The following BMPR2 variants were observed in gnomAD, a reference collection of about 807,000 sequenced individuals.
BMPR2 encodes the protein bone morphogenetic protein receptor type 2, also known as bone morphogenetic protein receptor type-2.
In BMPR2, 29 loss-of-function variants were observed where a neutral mutation model predicts 100.8. That is an observed-to-expected ratio of 0.29 (90% CI 0.21 to 0.39). The LOEUF is 0.39. Ranked by LOEUF, BMPR2 falls within the 10% of genes least tolerant of loss-of-function variation. BMPR2 has a pLI of 1.00. For missense variants in BMPR2, 1,011 were observed against 1,274.5 expected (o/e 0.79, Z 3.15); for synonymous variants, 382 against 442.3 (o/e 0.86, Z 1.71).
chr2:202,494,871 A>G (rs1692989259), intron 3 of BMPR2, among the ~76,000 whole-genome samples: 1 of 152,178 alleles, frequency 6.6e-6, no homozygotes, highest in Non-Finnish European at 1.5e-5. Flanking sequence ...GAGGCTTGGA[A>G]AGTTTTTATT....
intron 4 of BMPR2, among the ~76,000 whole-genome samples, chr2:202,514,248 T>G (rs1012335484): frequency 6.6e-6 from 1 of 152,198 alleles, no homozygotes; most frequent in African/African-American, 2.4e-5. Flanking sequence ...GCCATTCTCC[T>G]GCCTCAGCCT....
intron 3 of BMPR2, among the ~76,000 whole-genome samples, chr2:202,510,852 T>C (rs1269462954): frequency 6.6e-6 from 1 of 152,048 alleles, no homozygotes; most frequent in Non-Finnish European, 1.5e-5. Context: ...AGCTAATTTT[T>C]GTCTTTTTAG....
At chr2:202,512,279 A>G (rs1687640180) in intron 3 of BMPR2, among the ~76,000 whole-genome samples, 1 of 152,346 alleles carries the variant, frequency 6.6e-6, no homozygotes, top group East Asian at 1.9e-4. Flanking sequence ...TTGATTGAAT[A>G]TAAAGAATGA....
At chr2:202,384,540 C>CTT (rs1436500002) in intron 1 of BMPR2, among the ~76,000 whole-genome samples, 1 of 82,634 alleles carries the variant, frequency 1.2e-5, no homozygotes, top group African/African-American at 4.8e-5. Flanking sequence ...CTCTTTCTTT[C>CTT]TTTCTTTCTT....
intron 7 of BMPR2, among the ~76,000 whole-genome samples, chr2:202,525,407 A>G (rs1347878358): frequency 6.6e-6 from 1 of 151,988 alleles, no homozygotes; most frequent in Non-Finnish European, 1.5e-5. Context: ...ATGTTGGCCA[A>G]GATGGTCTCG....
At chr2:202,415,630 C>G (rs760952403) in intron 1 of BMPR2, among the ~76,000 whole-genome samples, 3 of 152,106 alleles carry the variant, frequency 2.0e-5, no homozygotes, top group Non-Finnish European at 2.9e-5. Flanking sequence ...ATCCTAGAGC[C>G]CTTAAGAATT....
intron 1 of BMPR2, among the ~76,000 whole-genome samples, chr2:202,401,228 C>T (rs1201616477): frequency 1.3e-5 from 2 of 152,194 alleles, no homozygotes; most frequent in Non-Finnish European, 2.9e-5. Flanking sequence ...CACATCTCAT[C>T]TCCCCTTTTA....
At chr2:202,424,765 A>T (rs956695264) in intron 1 of BMPR2, among the ~76,000 whole-genome samples, 1 of 152,154 alleles carries the variant, frequency 6.6e-6, no homozygotes, top group Admixed American at 6.5e-5. Context: ...TAGTACCAGA[A>T]ATTTAGCCAA....
chr2:202,396,508 A>G (rs913247569), intron 1 of BMPR2, among the ~76,000 whole-genome samples: 3 of 152,168 alleles, frequency 2.0e-5, no homozygotes, highest in African/African-American at 7.2e-5. Context: ...TCTTCTCACT[A>G]TTTTTATTCT....
intron 1 of BMPR2, among the ~76,000 whole-genome samples, chr2:202,411,782 A>G (rs1691017356): frequency 1.3e-5 from 2 of 152,210 alleles, no homozygotes; most frequent in African/African-American, 4.8e-5. Context: ...ATGAGAAAAC[A>G]GAGATAAACC....
chr2:202,505,917 C>T (rs529774784), intron 3 of BMPR2, among the ~76,000 whole-genome samples: 1 of 152,216 alleles, frequency 6.6e-6, no homozygotes, highest in African/African-American at 2.4e-5. Context: ...AATCACTGTT[C>T]GTCATGGTTG....
chr2:202,403,120 G>A (rs561177160), intron 1 of BMPR2, among the ~76,000 whole-genome samples: 1 of 149,806 alleles, frequency 6.7e-6, no homozygotes, highest in Non-Finnish European at 1.5e-5. Context: ...GAGCCACCGC[G>A]CCTGGCTGTC....
intron 1 of BMPR2, among the ~76,000 whole-genome samples, chr2:202,403,062 A>AGGTAATCCACCCTCCTCGGCCTCC (rs898364376): frequency 2.0e-5 from 3 of 151,858 alleles, no homozygotes; most frequent in African/African-American, 7.3e-5. Context: ...TCCGGACCTC[A>AGGTAATCCACCCTCCTCGGCCTCC]GGTAATCCAC....
At chr2:202,469,193 T>TA (rs1692385499) in intron 3 of BMPR2, among the ~76,000 whole-genome samples, 1 of 151,822 alleles carries the variant, frequency 6.6e-6, no homozygotes, top group Non-Finnish European at 1.5e-5. Flanking sequence ...CACGCCCGGC[T>TA]AATTTTGTAT....
chr2:202,415,789 G>C (rs933796444), intron 1 of BMPR2, among the ~76,000 whole-genome samples: 15 of 152,172 alleles, frequency 9.9e-5, no homozygotes, highest in Non-Finnish European at 1.3e-4. Flanking sequence ...AAATATTACT[G>C]ATCATTGACA....
intron 7 of BMPR2, among the ~76,000 whole-genome samples, chr2:202,525,888 G>A (rs143941968): frequency 3.7e-5 from 4 of 107,450 alleles, no homozygotes; most frequent in East Asian, 3.1e-4. Flanking sequence ...TTTTTGAGAC[G>A]GAGTTTAGCT....
chr2:202,530,857 A>T lies in BMPR2; in HGVS notation c.1031A>T (p.Asp344Val), dbSNP rs764853482. The change falls in exon 8 of 13, where the codon GAT becomes GTT. Residue 344 changes from aspartate to valine, a missense_variant. Asp to Val is a radical substitution (Grantham distance 152). Around this residue, in one of 6 missense-constraint regions of BMPR2, gnomAD observed 355 missense variants for 455.3 expected, o/e 0.78. Transcript: ENST00000374580. ...LNSRNVLVKN[D>V]GTCVISDFGL... Reference sequence around the variant, plus strand: ...AGCAGAAATGTCCTAGTGAAAAATGATGGAACCTGTGTTATTAGTGACTTT... The same window carrying T: ...AGCAGAAATGTCCTAGTGAAAAATGTTGGAACCTGTGTTATTAGTGACTTT... 1 of 1,614,008 alleles carries T rather than the reference A, an allele frequency of 6.2e-7. No individual in the cohort carries two copies. The highest frequency in any genetic ancestry group is 8.5e-7 in the Non-Finnish European group (1 of 1,179,884).
intron 1 of BMPR2, among the ~76,000 whole-genome samples, chr2:202,434,930 T>TATATATATATATATATATATATATAC (rs1691583886): frequency 8.9e-6 from 1 of 112,452 alleles, no homozygotes; most frequent in Non-Finnish European, 1.8e-5. Context: ...TATATATATA[T>TATATATATATATATATATATATATAC]ATATATTTAT....
rs55722784 is a variant in BMPR2 at position 202,514,958 on chromosome 2, A to C, written c.600A>C (p.Leu200=). 27,893 of 1,614,092 alleles carry C rather than the reference A, an allele frequency of 0.017. 336 individuals carry two copies. The highest frequency in any genetic ancestry group is 0.019 in the Non-Finnish European group (22,742 of 1,179,982). Residue 200 remains leucine, a synonymous_variant, in exon 5 of 13, where the codon CTA becomes CTC. Coordinates refer to ENST00000374580, the MANE Select transcript of BMPR2 (RefSeq NM_001204.7). ...CAGCATCCGAACCCTCTCTTGATCT[A>C]GATAATCTGAAACTGTTGGAGGTAA... ...EAAASEPSLD[L]DNLKLLELIG...
Sources: allele counts gnomAD v4.1 joint callset (sites outside exome capture counted in the v4.1 genomes callset), GRCh38; gene constraint gnomAD v4.1.1; regional missense constraint gnomAD v4.1.1; transcripts MANE v1.5; gene names NCBI Gene and HGNC (gene_info 2026-07-23, HGNC 2026-07-21).